Variants in GNG4 observed in about 807,000 individuals in gnomAD.
GNG4 encodes guanine nucleotide-binding protein G(I)/G(S)/G(O) subunit gamma-4.
GNG4 carries 4 observed loss-of-function variants against 5.8 expected under a neutral mutation model. That is an observed-to-expected ratio of 0.69 (90% confidence interval 0.34 to 1.57). The LOEUF (loss-of-function observed/expected upper bound fraction) is 1.57, where lower values mean the gene tolerates loss of function less well. GNG4 is among the 40% of genes most tolerant of loss of function. The pLI is 0.06. For synonymous variants in GNG4, 29 were observed against 32.9 expected, an observed-to-expected ratio of 0.88 and a Z score of 0.41; for missense variants, 96 against 95.1, an observed-to-expected ratio of 1.01 and a Z score of -0.04.
intron 3 of GNG4, among the ~76,000 whole-genome samples, chr1:235,578,045 T>C (rs1687529659): frequency 6.6e-6 from 1 of 152,108 alleles, no homozygotes; most frequent in African/African-American, 2.4e-5. Context: ...ATGCACCTTT[T>C]CTTTTTTTTT....
chr1:235,564,634 A>G (rs1181526951), intron 3 of GNG4, among the ~76,000 whole-genome samples: 1 of 152,210 alleles, frequency 6.6e-6, no homozygotes, highest in Non-Finnish European at 1.5e-5. Flanking sequence ...TACATCATAT[A>G]GATTTCTGAG....
chr1:235,577,095 C>A (rs1021628716), intron 3 of GNG4, among the ~76,000 whole-genome samples: 2 of 152,200 alleles, frequency 1.3e-5, no homozygotes, highest in Non-Finnish European at 1.5e-5. Context: ...GCCTTCTTTT[C>A]CTTCCTTCCT....
rs533853180 is a variant in GNG4, at chr1:235,600,100, C to CTTTT, written c.-122-4593_-122-4590dup. Among the ~76,000 whole-genome samples the CTTTT allele has an allele frequency of 2.5e-4, 11 of 43,138 alleles. 3 individuals are homozygous for CTTTT. The highest frequency in any genetic ancestry group is 5.1e-4 in the African/African-American group (5 of 9,718). The allele number at this position is 43,138 out of a possible 152,430, so 28.3% of individuals were successfully genotyped here. A position where few individuals can be genotyped will look rare whatever the true frequency, so the allele number is the denominator to read the frequency against. ...TCCTTTATCTGGTTGCGGAAGAAAG[C>CTTTT]TTTTTTTTTTTTTTTTTTTTTTTTT... On this transcript the variant is annotated intron_variant, in intron 1 of 3. Coordinates refer to ENST00000391854, the MANE Select transcript of GNG4 (RefSeq NM_001098722.2).
chr1:235,569,605 C>G (rs1001258949), intron 3 of GNG4, among the ~76,000 whole-genome samples: 4 of 152,018 alleles, frequency 2.6e-5, no homozygotes, highest in African/African-American at 9.6e-5. Flanking sequence ...TCTTGGCTCA[C>G]TAGATTCCTC....
chr1:235,645,501 G>A (rs1217618310), intron 1 of GNG4, among the ~76,000 whole-genome samples: 1 of 152,138 alleles, frequency 6.6e-6, no homozygotes, highest in Admixed American at 6.5e-5. Flanking sequence ...AGAGGTGCTT[G>A]AATAAGAATG....
chr1:235,593,633 A>C (rs1688043576), intron 2 of GNG4, among the ~76,000 whole-genome samples: 1 of 152,126 alleles, frequency 6.6e-6, no homozygotes, highest in South Asian at 2.1e-4. Context: ...GGAGTTTGCT[A>C]CTGCTGATGT....
chr1:235,558,222 C>T (rs1686968809), intron 3 of GNG4, among the ~76,000 whole-genome samples: 1 of 152,110 alleles, frequency 6.6e-6, no homozygotes, highest in African/African-American at 2.4e-5. Flanking sequence ...TTCCTAGGTG[C>T]ACTCAGAATT....
At chr1:235,558,609 C>T (rs1020067729) in intron 3 of GNG4, among the ~76,000 whole-genome samples, 5 of 152,154 alleles carry the variant, frequency 3.3e-5, no homozygotes, top group Admixed American at 6.6e-5. Context: ...TCCTTCAACA[C>T]GTACCAAATA....
chr1:235,647,938 T>C (rs4659987), intron 1 of GNG4, among the ~76,000 whole-genome samples: 98,408 of 152,122 alleles, frequency 0.65, 32,259 homozygotes, highest in Non-Finnish European at 0.68. Context: ...TGATGTTCTA[T>C]CATTTCAAAG....
At chr1:235,602,377 G>A (rs1259059298) in intron 1 of GNG4, among the ~76,000 whole-genome samples, 2 of 152,186 alleles carry the variant, frequency 1.3e-5, no homozygotes, top group Non-Finnish European at 2.9e-5. Flanking sequence ...CCTGGGGGAC[G>A]AGAGAGAAAC....
intron 3 of GNG4, among the ~76,000 whole-genome samples, chr1:235,564,925 C>T (rs578000008): frequency 2.0e-5 from 3 of 152,220 alleles, no homozygotes; most frequent in African/African-American, 7.2e-5. Flanking sequence ...ACCTGTGATC[C>T]GCCCACCTTG....
intron 2 of GNG4, among the ~76,000 whole-genome samples, chr1:235,593,509 A>C (rs1446609788): frequency 6.6e-6 from 1 of 152,232 alleles, no homozygotes; most frequent in South Asian, 2.1e-4. Context: ...GACAATGCCC[A>C]AAAGACAGCT....
chr1:235,594,633 G>A (rs1305701247), intron 2 of GNG4, among the ~76,000 whole-genome samples: 2 of 152,220 alleles, frequency 1.3e-5, no homozygotes, highest in Non-Finnish European at 2.9e-5. Context: ...TGGCCCAGGT[G>A]CTAAGCCCCT....
At chr1:235,632,195 C>T (rs2102983445) in intron 1 of GNG4, among the ~76,000 whole-genome samples, 1 of 152,272 alleles carries the variant, frequency 6.6e-6, no homozygotes, top group Admixed American at 6.5e-5. Flanking sequence ...CTCAAGTCAT[C>T]CTCCTGCCTC....
At chr1:235,601,590 G>A (rs776451082) in intron 1 of GNG4, among the ~76,000 whole-genome samples, 2 of 152,206 alleles carry the variant, frequency 1.3e-5, no homozygotes, top group Non-Finnish European at 2.9e-5. Flanking sequence ...GGGTGTATGT[G>A]GGCTGGCTGT....
Position 235,552,191 on chromosome 1 carries a change from A to C in GNG4, c.146T>G (p.Val49Gly). Residue 49 changes from valine to glycine, a missense_variant, in exon 4 of 4, where the codon GTG becomes GGG. By Grantham distance (109) the Val-to-Gly change is moderately radical (BLOSUM62 -3). Coordinates refer to ENST00000391854, the MANE Select transcript of GNG4 (RefSeq NM_001098722.2). ...TGGAATGATGAGAGGATCTTCCCGC[A>C]CGTGAGCTTCACAGTAGGCCAGGAG... Reference protein sequence around the residue: ...ADLLAYCEAHVREDPLIIPVP... With the variant: ...ADLLAYCEAHGREDPLIIPVP... The C allele has an allele frequency of 6.2e-7, 1 of 1,613,964 alleles. No homozygotes were observed. The highest frequency in any genetic ancestry group is 1.1e-5 in the South Asian group (1 of 91,084).
intron 2 of GNG4, 50 bp from the exon 3 acceptor site, chr1:235,583,898 A>G: frequency 2.6e-6 from 3 of 1,172,302 alleles, no homozygotes; most frequent in Non-Finnish European, 3.8e-6. Context: ...TTCCAAGGGT[A>G]GGGGAACCCC....
At chr1:235,599,002 C>T (rs1020031761) in intron 1 of GNG4, among the ~76,000 whole-genome samples, 1 of 152,184 alleles carries the variant, frequency 6.6e-6, no homozygotes, top group Non-Finnish European at 1.5e-5. Flanking sequence ...GCTGGGATTA[C>T]AGGCATGAGC....
intron 1 of GNG4, among the ~76,000 whole-genome samples, chr1:235,602,078 C>T (rs1043609336): frequency 6.6e-6 from 1 of 152,146 alleles, no homozygotes; most frequent in African/African-American, 2.4e-5. Context: ...TTGAGACCAG[C>T]CTGGCCAACA....
Sources: gnomAD v4.1 joint callset for allele counts (sites outside exome capture counted in the v4.1 genomes callset) on GRCh38, gnomAD v4.1.1 for gene constraint, MANE v1.5 for transcripts, NCBI Gene and HGNC (gene_info 2026-07-23, HGNC 2026-07-21) for gene names.